ALG14: variants seen among roughly 807,000 people sequenced by gnomAD.
The protein encoded by ALG14 is ALG14 UDP-N-acetylglucosaminyltransferase subunit.
Under a neutral mutation model 22.8 loss-of-function variants are expected in ALG14, and 17 were observed. The observed-to-expected ratio is 0.75, with a 90% CI of 0.51 to 1.12. The LOEUF is 1.12. Among genes scored for constraint, ALG14 ranks in the 50% most tolerant of loss-of-function variants. ALG14 has a pLI of 0.00. For missense variants in ALG14, 288 were observed against 271.8 expected, an observed-to-expected ratio of 1.06 and a Z score of -0.42; for synonymous variants, 89 against 103.7, an observed-to-expected ratio of 0.86 and a Z score of 0.86.
chr1:95,033,706 C>T (rs1674098567), intron 2 of ALG14, among the ~76,000 whole-genome samples: 1 of 152,040 alleles, frequency 6.6e-6, no homozygotes, highest in Non-Finnish European at 1.5e-5. Context: ...GTTTCCTTCT[C>T]CCAAAACTTT....
intron 1 of ALG14, among the ~76,000 whole-genome samples, chr1:95,071,877 T>C (rs561975673): frequency 7.9e-5 from 12 of 152,360 alleles, no homozygotes; most frequent in African/African-American, 2.9e-4. Flanking sequence ...TTGTGGCAAA[T>C]ACTCATTTTG....
chr1:95,027,756 G>T (rs1673866396), intron 2 of ALG14, among the ~76,000 whole-genome samples: 1 of 152,192 alleles, frequency 6.6e-6, no homozygotes, highest in Non-Finnish European at 1.5e-5. Flanking sequence ...TGAGAGTATG[G>T]GGAAATAGAC....
In ALG14 at chr1:95,069,723, C is replaced by A. The variant is rs6669552; in HGVS notation, c.136+3040G>T. 2.2e-3 allele frequency among the ~76,000 whole-genome samples: 333 copies of A among 152,254 alleles called. 3 individuals carry two copies. The highest frequency in any genetic ancestry group is 7.8e-3 in the African/African-American group (324 of 41,558). On this transcript the variant is annotated intron_variant, in intron 1 of 3. Transcript: ENST00000370205. ...CTTAGAAGCAAAAATTTTTCTCTGGCCTTCTCCTGTCCTCTGTCTCTCAGT... is the reference window on the plus strand; with the variant it reads ...CTTAGAAGCAAAAATTTTTCTCTGGACTTCTCCTGTCCTCTGTCTCTCAGT...
chr1:94,978,552 A>T lies in ALG14; in HGVS notation c.*4524T>A, dbSNP rs1222289417. On this transcript the variant is annotated 3_prime_UTR_variant, in exon 4 of 4. Coordinates refer to ENST00000370205, the MANE Select transcript of ALG14 (RefSeq NM_144988.4). Reference sequence around the variant, plus strand: ...AACAAGGACTGCAATTCGATGGTATATAACTCAGCACTAACCTTTGGTATG... The same window carrying T: ...AACAAGGACTGCAATTCGATGGTATTTAACTCAGCACTAACCTTTGGTATG... 6.6e-6 allele frequency: 1 copy of T among 152,216 alleles called. No homozygotes were observed. Among genetic ancestry groups the T allele is most frequent in the Non-Finnish European group, 1.5e-5 (1 of 68,032 alleles). 9.4% of individuals were successfully genotyped at this position (152,216 alleles called of 1,614,324 possible). A position where few individuals can be genotyped will look rare whatever the true frequency, so the allele number is the denominator to read the frequency against.
At chr1:94,986,860 G>A (rs1012237243) in intron 3 of ALG14, among the ~76,000 whole-genome samples, 1 of 148,968 alleles carries the variant, frequency 6.7e-6, no homozygotes, top group Admixed American at 6.8e-5. Context: ...TTAAGTGCTT[G>A]TGTAGACCTG....
chr1:94,985,050 C>A, intron 3 of ALG14, among the ~76,000 whole-genome samples: 1 of 152,074 alleles, frequency 6.6e-6, no homozygotes, highest in East Asian at 1.9e-4. Context: ...GGAGAAAAGG[C>A]AGGCACACAG....
chr1:94,991,936 C>A (rs959257964), intron 3 of ALG14, among the ~76,000 whole-genome samples: 4 of 151,920 alleles, frequency 2.6e-5, no homozygotes, highest in African/African-American at 9.7e-5. Flanking sequence ...GCATCAGAAT[C>A]ATCAATATCA....
chr1:94,978,400 AGAGCTGT>A lies in ALG14; in HGVS notation c.*4669_*4675del, dbSNP rs1360862189. On this transcript the variant is annotated 3_prime_UTR_variant, in exon 4 of 4. Transcript: ENST00000370205. The stretch of plus-strand genomic sequence containing the variant: ...TTTAATTAGTGCCTATGTTTTGTAC[AGAGCTGT>A]GGTGTAAATACTATCAAAAGTGGAA... 1 of 152,210 alleles carries A rather than the reference AGAGCTGT, an allele frequency of 6.6e-6. No homozygotes were observed. Among genetic ancestry groups the A allele is most frequent in the African/African-American group, 2.4e-5 (1 of 41,454 alleles). The allele number at this position is 152,210 out of a possible 1,614,324, so 9.4% of individuals were successfully genotyped here.
intron 2 of ALG14, among the ~76,000 whole-genome samples, chr1:95,047,034 A>T (rs1674584482): frequency 6.8e-6 from 1 of 147,856 alleles, no homozygotes; most frequent in Non-Finnish European, 1.5e-5. Context: ...AACATAACAT[A>T]ACGACATGCC....
chr1:95,060,714 T>TA (rs931484737), intron 2 of ALG14, among the ~76,000 whole-genome samples: 46 of 149,644 alleles, frequency 3.1e-4, no homozygotes, highest in Middle Eastern at 3.4e-3. Flanking sequence ...AGACTCTGTT[T>TA]AAAAAAAAAA....
chr1:95,013,439 C>A (rs1220961456), intron 3 of ALG14, among the ~76,000 whole-genome samples: 1 of 151,926 alleles, frequency 6.6e-6, no homozygotes, highest in East Asian at 1.9e-4. Context: ...CCTGCCTCAG[C>A]CTCCTGAGTA....
chr1:95,041,600 T>A (rs1674380827), intron 2 of ALG14: 1 of 136,656 alleles, frequency 7.3e-6, no homozygotes, highest in African/African-American at 2.8e-5. Context: ...GGGCAGACAG[T>A]GAGACCCCGT....
At chr1:94,984,378 T>C (rs766664704) in intron 3 of ALG14, among the ~76,000 whole-genome samples, 9 of 152,134 alleles carry the variant, frequency 5.9e-5, no homozygotes, top group Non-Finnish European at 1.2e-4. Context: ...TTTCAAGGAC[T>C]CTCCCCGACA....
At chr1:95,064,495 T>C (rs1389232220) in intron 2 of ALG14, among the ~76,000 whole-genome samples, 1 of 152,202 alleles carries the variant, frequency 6.6e-6, no homozygotes, top group African/African-American at 2.4e-5. Flanking sequence ...CACGAAAGGA[T>C]GTTGAATTTT....
chr1:95,059,756 G>A (rs12032033), intron 2 of ALG14, among the ~76,000 whole-genome samples: 1 of 152,084 alleles, frequency 6.6e-6, no homozygotes, highest in Non-Finnish European at 1.5e-5. Flanking sequence ...CTAAGCATTA[G>A]AAATGAGGCT....
intron 3 of ALG14, among the ~76,000 whole-genome samples, chr1:95,013,870 T>C (rs914261181): frequency 1.3e-5 from 2 of 152,014 alleles, no homozygotes; most frequent in Non-Finnish European, 2.9e-5. Flanking sequence ...CTTCAGCATA[T>C]ATTTTTAGTC....
intron 3 of ALG14, among the ~76,000 whole-genome samples, chr1:95,002,248 G>T (rs180983310): frequency 9.2e-5 from 14 of 152,238 alleles, no homozygotes; most frequent in South Asian, 2.1e-4. Context: ...AGTACCTGGG[G>T]GGGGGAACCT....
intron 2 of ALG14, among the ~76,000 whole-genome samples, chr1:95,057,602 A>C (rs1674978479): frequency 7.1e-6 from 1 of 141,118 alleles, no homozygotes; most frequent in Admixed American, 7.2e-5. Flanking sequence ...ACAGATGGTC[A>C]TTTCTCCTTA....
chr1:94,995,003 A>C (rs970294790), intron 3 of ALG14, among the ~76,000 whole-genome samples: 1 of 152,184 alleles, frequency 6.6e-6, no homozygotes, highest in Non-Finnish European at 1.5e-5. Flanking sequence ...AAGTGATTAT[A>C]TAACTCCTGA....
Sources: gnomAD v4.1 joint callset for allele counts (sites outside exome capture counted in the v4.1 genomes callset) on GRCh38, gnomAD v4.1.1 for gene constraint, MANE v1.5 for transcripts, NCBI Gene and HGNC (gene_info 2026-07-23, HGNC 2026-07-21) for gene names.